The following GOLGB1 variants were observed in gnomAD, a reference collection of about 807,000 sequenced individuals.
The protein encoded by GOLGB1 is golgin B1.
A neutral mutation model predicts 336.9 loss-of-function variants in GOLGB1; 174 were observed. That is an observed-to-expected ratio of 0.52 (90% CI 0.46 to 0.59). GOLGB1 has a LOEUF of 0.59. GOLGB1 is among the 20% of genes least tolerant of loss of function. The probability of loss-of-function intolerance (pLI) is 0.00; values close to 1 mark genes in which losing one functional copy is unlikely to be tolerated. For missense variants in GOLGB1, 3,331 were observed against 3,645.3 expected, an observed-to-expected ratio of 0.91 and a Z score of 2.22; for synonymous variants, 1,208 against 1,289.2, an observed-to-expected ratio of 0.94 and a Z score of 1.35.
intron 14 of GOLGB1, among the ~76,000 whole-genome samples, chr3:121,687,098 C>T (rs1269629998): frequency 1.3e-5 from 2 of 152,126 alleles, no homozygotes; most frequent in East Asian, 3.9e-4. Context: ...TATGGTGAAA[C>T]CCCATCTCTA....
chr3:121,700,797 G>A (rs1476550485), intron 11 of GOLGB1, among the ~76,000 whole-genome samples: 1 of 151,992 alleles, frequency 6.6e-6, no homozygotes, highest in Admixed American at 6.6e-5. Context: ...CATCATTCAG[G>A]TTTAAAGTCC....
rs533798865 is a variant in GOLGB1, at chr3:121,694,264, C to T, written c.6259G>A (p.Val2087Ile). Residue 2087 changes from valine to isoleucine, a missense_variant, in exon 13 of 22, where the codon GTC (valine) becomes ATC (isoleucine). Physicochemically the swap from Val to Ile is conservative, Grantham distance 29. Transcript: ENST00000614479. The stretch of plus-strand genomic sequence containing the variant: ...TCACTTTGAGTGTCATCTAGCAGGA[C>T]TTTGAAGCTAGCTAATTCTGCTTGT... Reference protein sequence around the residue: ...KAQAELASFKVLLDDTQSEAA... With the variant: ...KAQAELASFKILLDDTQSEAA... 1 of 1,610,342 alleles carries T rather than the reference C, an allele frequency of 6.2e-7. No individual in the cohort carries two copies. Among genetic ancestry groups the T allele is most frequent in the East Asian group, 2.2e-5 (1 of 44,880 alleles).
rs775574216 is a variant in GOLGB1 at position 121,698,916 on chromosome 3, T to G, written c.1607A>C (p.Asp536Ala). 3.2e-6 allele frequency: 5 copies of G among 1,557,268 alleles called. No homozygotes were observed. The highest frequency in any genetic ancestry group is 1.4e-5 in the African/African-American group (1 of 72,244). The stretch of plus-strand genomic sequence containing the variant: ...AGAAGAGCTCCTCTTGTTGGCAATA[T>G]CAACAATGCTGATCTATTTTTAAAA... ...DREVSEISIV[D>A]IANKRSSSAE... Residue 536 changes from aspartate to alanine, a missense_variant, in exon 13 of 22, where the codon GAT becomes GCT. Asp to Ala is a moderately radical substitution (Grantham distance 126). Coordinates refer to ENST00000614479, the MANE Select transcript of GOLGB1 (RefSeq NM_001366282.2).
At chr3:121,677,560 G>T (rs866502938) in intron 15 of GOLGB1, 110 bp from the exon 16 acceptor site, 3 of 710,832 alleles carry the variant, frequency 4.2e-6, no homozygotes, top group African/African-American at 3.7e-5. Context: ...CTCAAATCTG[G>T]AAGGTAAAGA....
chr3:121,713,488 A>C (rs1432483408), intron 10 of GOLGB1, among the ~76,000 whole-genome samples: 1 of 152,236 alleles, frequency 6.6e-6, no homozygotes, highest in Admixed American at 6.5e-5. Context: ...ATATGGATGA[A>C]TCTCCAAATA....
intron 10 of GOLGB1, among the ~76,000 whole-genome samples, chr3:121,712,102 T>C (rs62268736): frequency 5.2e-4 from 79 of 152,218 alleles, no homozygotes; most frequent in Non-Finnish European, 1.0e-3. Context: ...ACCGTGATAC[T>C]GGCATAGGGA....
chr3:121,693,143 G>C (rs1003509027), intron 13 of GOLGB1, among the ~76,000 whole-genome samples: 7 of 152,168 alleles, frequency 4.6e-5, no homozygotes, highest in Non-Finnish European at 1.0e-4. Flanking sequence ...CAATTAATTT[G>C]AGAGTACTGT....
chr3:121,737,575 T>G (rs1259410899), intron 1 of GOLGB1, among the ~76,000 whole-genome samples: 1 of 150,566 alleles, frequency 6.6e-6, no homozygotes, highest in Non-Finnish European at 1.5e-5. Context: ...CACTTGAACC[T>G]GAGAGGTGGA....
intron 14 of GOLGB1, among the ~76,000 whole-genome samples, chr3:121,683,215 A>T (rs1024824452): frequency 2.0e-5 from 3 of 151,558 alleles, no homozygotes; most frequent in Admixed American, 6.6e-5. Flanking sequence ...AAACAACTTC[A>T]TTTATAGGTA....
At chr3:121,740,974 T>C (rs1483218237) in intron 1 of GOLGB1, among the ~76,000 whole-genome samples, 1 of 151,268 alleles carries the variant, frequency 6.6e-6, no homozygotes, top group East Asian at 1.9e-4. Context: ...GGCTAAAAGA[T>C]CATATGACCA....
At position 121,693,874 on chromosome 3, in the gene GOLGB1, C is replaced by G. The variant is rs1405008476; in HGVS notation, c.6649G>C (p.Glu2217Gln). The change falls in exon 13 of 22, where the codon GAG becomes CAG. Residue 2217 changes from glutamate to glutamine, a missense_variant. Coordinates refer to ENST00000614479, the MANE Select transcript of GOLGB1 (RefSeq NM_001366282.2). Reference protein sequence around the residue: ...DRVIDEAKKWERKFSDAIQSK... With the variant: ...DRVIDEAKKWQRKFSDAIQSK... The stretch of plus-strand genomic sequence containing the variant: ...TGAATCGCATCACTAAACTTCCTCT[C>G]CCATTTCTTAGCTTCATCTATCACC... 6.2e-7 allele frequency: 1 copy of G among 1,613,900 alleles called. No homozygotes were observed. The highest frequency in any genetic ancestry group is 1.3e-5 in the African/African-American group (1 of 74,920).
intron 17 of GOLGB1, among the ~76,000 whole-genome samples, chr3:121,675,420 C>T (rs904794964): frequency 3.3e-5 from 5 of 152,158 alleles, no homozygotes; most frequent in Non-Finnish European, 7.3e-5. Flanking sequence ...TAGCCCCAAA[C>T]TGGAGAAGCC....
chr3:121,723,007 C>T (rs1346592657), intron 5 of GOLGB1, among the ~76,000 whole-genome samples: 1 of 151,976 alleles, frequency 6.6e-6, no homozygotes, highest in Non-Finnish European at 1.5e-5. Flanking sequence ...GAGACATGAA[C>T]CTGTACTAAG....
At chr3:121,715,029 GTTA>G in intron 9 of GOLGB1, 53 bp from the exon 10 acceptor site, 1 of 969,074 alleles carries the variant, frequency 1.0e-6, no homozygotes. Flanking sequence ...CTGAAATGTA[GTTA>G]TTATTATCTT....
intron 10 of GOLGB1, among the ~76,000 whole-genome samples, chr3:121,707,846 C>T (rs1944021084): frequency 6.6e-6 from 1 of 152,050 alleles, no homozygotes; most frequent in Non-Finnish European, 1.5e-5. Context: ...ACTGTATGAC[C>T]CACAAAGCCT....
intron 14 of GOLGB1, among the ~76,000 whole-genome samples, chr3:121,686,611 G>A (rs963924838): frequency 6.6e-6 from 1 of 151,994 alleles, no homozygotes; most frequent in Non-Finnish European, 1.5e-5. Flanking sequence ...CACTTACCAG[G>A]AGTTTGCAAT....
chr3:121,703,842 A>C lies in GOLGB1; in HGVS notation c.1405-1247T>G, dbSNP rs1943598458. On this transcript the variant is annotated intron_variant, in intron 10 of 21. Transcript: ENST00000614479. ...GCCATAAAATGATGCAGATTTTGTA[A>C]GTAGCAAACAAGAATTTTAATAAAG... 2.6e-5 allele frequency among the ~76,000 whole-genome samples: 4 copies of C among 152,348 alleles called. No individual in the cohort carries two copies. The South Asian group carries it at 8.3e-4, about 32-fold the overall frequency.
chr3:121,730,791 G>T (rs549127369), intron 2 of GOLGB1, 85 bp downstream of exon 2: 1 of 1,326,618 alleles, frequency 7.5e-7, no homozygotes, highest in South Asian at 1.6e-5. Context: ...GGGAGGCTTC[G>T]CACACCCTTC....
At chr3:121,692,677 A>C in intron 13 of GOLGB1, 96 bp from the exon 14 acceptor site, 1 of 666,910 alleles carries the variant, frequency 1.5e-6, no homozygotes. Context: ...TAGATTTACA[A>C]ATGAATTAAC....
Sources: gnomAD v4.1 joint callset for allele counts (sites outside exome capture counted in the v4.1 genomes callset) on GRCh38, gnomAD v4.1.1 for gene constraint, MANE v1.5 for transcripts, NCBI Gene and HGNC (gene_info 2026-07-23, HGNC 2026-07-21) for gene names.